PCDH15: variants seen among roughly 807,000 people sequenced by gnomAD.
PCDH15 encodes protocadherin-15.
PCDH15 carries 129 observed loss-of-function variants against 178.5 expected under a neutral mutation model. The observed-to-expected ratio is 0.72, with a 90% confidence interval of 0.63 to 0.84. The LOEUF (loss-of-function observed/expected upper bound fraction) is 0.84. Among genes scored for constraint, PCDH15 ranks in the 40% least tolerant of loss-of-function variants. The probability of loss-of-function intolerance (pLI) is 0.00; values close to 1 mark genes in which losing one functional copy is unlikely to be tolerated. For missense variants in PCDH15, 2,230 were observed against 2,099.9 expected, an observed-to-expected ratio of 1.06 and a Z score of -1.21; for synonymous variants, 800 against 732.0, an observed-to-expected ratio of 1.09 and a Z score of -1.50.
intron 2 of PCDH15, among the ~76,000 whole-genome samples, chr10:54,911,358 T>A (rs1342179982): frequency 6.6e-6 from 1 of 152,218 alleles, no homozygotes; most frequent in Non-Finnish European, 1.5e-5. Context: ...AAAATTATAC[T>A]GATTTAAGGA....
At chr10:55,035,009 T>C (rs2131970368) in intron 2 of PCDH15, among the ~76,000 whole-genome samples, 1 of 152,280 alleles carries the variant, frequency 6.6e-6, no homozygotes, top group Non-Finnish European at 1.5e-5. Flanking sequence ...ACAGCTGCTT[T>C]CCTTTAAGCA....
In PCDH15 at chr10:55,475,312, C is replaced by A. The variant is rs143958628; in HGVS notation, c.-156+152313G>T. Reference sequence around the variant, plus strand: ...GTTGGGAAAAGACAAACATCCAAACCATAGCAACACTACATTCTAATCTCT... The same window carrying A: ...GTTGGGAAAAGACAAACATCCAAACAATAGCAACACTACATTCTAATCTCT... On this transcript the variant is annotated intron_variant, in intron 2 of 5. Transcript: ENST00000613346. Among the ~76,000 whole-genome samples, 9 of 152,234 alleles carry A rather than the reference C, an allele frequency of 5.9e-5. No homozygotes were observed. The East Asian group carries it at 1.7e-3, about 29-fold the overall frequency.
chr10:55,606,895 A>C (rs1397970544), intron 2 of PCDH15, among the ~76,000 whole-genome samples: 2 of 146,456 alleles, frequency 1.4e-5, no homozygotes, highest in Non-Finnish European at 1.5e-5. Context: ...AAATTGACAA[A>C]TGGGATCTAA....
At chr10:54,786,421 A>G (rs71492630) in intron 1 of PCDH15, among the ~76,000 whole-genome samples, 2 of 152,034 alleles carry the variant, frequency 1.3e-5, no homozygotes, top group Non-Finnish European at 2.9e-5. Flanking sequence ...AAACATAGAC[A>G]CAATAGTCCC....
intron 3 of PCDH15, among the ~76,000 whole-genome samples, chr10:54,454,114 A>G (rs899545985): frequency 6.7e-6 from 1 of 150,004 alleles, no homozygotes; most frequent in African/African-American, 2.4e-5. Flanking sequence ...TATAAATATA[A>G]AACAGATTTA....
At chr10:55,552,494 T>C (rs1332579552) in intron 2 of PCDH15, among the ~76,000 whole-genome samples, 2 of 151,500 alleles carry the variant, frequency 1.3e-5, no homozygotes, top group South Asian at 4.1e-4. Context: ...AAGCTGTTAT[T>C]ATAAATATAA....
At chr10:54,185,336 A>T in intron 11 of PCDH15, 68 bp from the exon 12 acceptor site, 1 of 1,575,626 alleles carries the variant, frequency 6.3e-7, no homozygotes, top group Non-Finnish European at 8.7e-7. Context: ...ATTACCTAGA[A>T]GTTAATGTTT....
At chr10:54,096,224 A>G in intron 15 of PCDH15, among the ~76,000 whole-genome samples, 1 of 151,772 alleles carries the variant, frequency 6.6e-6, no homozygotes, top group East Asian at 2.0e-4. Flanking sequence ...GCTTGCTTGA[A>G]CCAACACCAA....
chr10:55,559,823 A>G (rs961066288), intron 2 of PCDH15, among the ~76,000 whole-genome samples: 1 of 151,894 alleles, frequency 6.6e-6, no homozygotes, highest in Non-Finnish European at 1.5e-5. Context: ...AATTTTTCCT[A>G]ATAAAGAAAA....
At chr10:54,135,386 T>C (rs531625544) in intron 14 of PCDH15, among the ~76,000 whole-genome samples, 1 of 152,294 alleles carries the variant, frequency 6.6e-6, no homozygotes, top group South Asian at 2.1e-4. Flanking sequence ...CTTAAATGGG[T>C]TCAAACTGAT....
At chr10:54,408,618 T>C (rs903861169) in intron 3 of PCDH15, among the ~76,000 whole-genome samples, 14 of 152,164 alleles carry the variant, frequency 9.2e-5, no homozygotes, top group Admixed American at 2.0e-4. Context: ...ACTACCTCCT[T>C]TGCACATGTT....
intron 13 of PCDH15, among the ~76,000 whole-genome samples, chr10:54,156,256 G>A (rs1040339852): frequency 6.6e-6 from 1 of 151,984 alleles, no homozygotes; most frequent in Non-Finnish European, 1.5e-5. Context: ...GTTTCAACAT[G>A]TGCATATTCC....
At chr10:55,469,961 T>C (rs1401216063) in intron 2 of PCDH15, among the ~76,000 whole-genome samples, 4 of 152,152 alleles carry the variant, frequency 2.6e-5, no homozygotes, top group Admixed American at 1.3e-4. Flanking sequence ...ATTTGTTTTT[T>C]CCACTTTTTA....
intron 15 of PCDH15, among the ~76,000 whole-genome samples, chr10:54,092,830 T>C (rs1936120897): frequency 6.6e-6 from 1 of 152,142 alleles, no homozygotes; most frequent in Admixed American, 6.6e-5. Flanking sequence ...TCTCGGTCAA[T>C]AAATTTTTCT....
chr10:54,549,733 G>T (rs1191513531), intron 2 of PCDH15, among the ~76,000 whole-genome samples: 1 of 151,844 alleles, frequency 6.6e-6, no homozygotes, highest in Non-Finnish European at 1.5e-5. Context: ...ATTGAGATAG[G>T]ATATTGTGTC....
intron 2 of PCDH15, among the ~76,000 whole-genome samples, chr10:54,926,094 T>C (rs1354064124): frequency 6.6e-6 from 1 of 152,194 alleles, no homozygotes; most frequent in Non-Finnish European, 1.5e-5. Context: ...TTCTCATAGA[T>C]GGCTCTTATT....
chr10:55,432,444 G>A (rs1838906072), intron 2 of PCDH15, among the ~76,000 whole-genome samples: 1 of 152,234 alleles, frequency 6.6e-6, no homozygotes, highest in Admixed American at 6.5e-5. Context: ...AAACCACTTT[G>A]GTAGCTGTTG....
intron 27 of PCDH15, among the ~76,000 whole-genome samples, chr10:53,859,916 G>T (rs2133071698): frequency 1.3e-5 from 2 of 152,106 alleles, no homozygotes; most frequent in East Asian, 3.9e-4. Flanking sequence ...GTAGAAACAG[G>T]ATTTAATCAA....
chr10:54,434,753 A>G (rs2075270202), intron 3 of PCDH15, among the ~76,000 whole-genome samples: 1 of 152,216 alleles, frequency 6.6e-6, no homozygotes, highest in Admixed American at 6.5e-5. Context: ...TTCACTCTCT[A>G]GAACAAAATT....
Sources: gnomAD v4.1 joint callset for allele counts (sites outside exome capture counted in the v4.1 genomes callset) on GRCh38, gnomAD v4.1.1 for gene constraint, MANE v1.5 for transcripts, NCBI Gene and HGNC (gene_info 2026-07-23, HGNC 2026-07-21) for gene names.